The following STK31 variants were observed in gnomAD, a reference collection of about 807,000 sequenced individuals.
STK31 encodes serine/threonine-protein kinase 31.
In STK31, 89 loss-of-function variants were observed where a neutral mutation model predicts 129.7. The ratio of observed to expected loss-of-function variants is 0.69; its 90% confidence interval spans 0.58 to 0.82. The LOEUF (loss-of-function observed/expected upper bound fraction) is 0.82, where lower values mean the gene tolerates loss of function less well. Ranked by LOEUF, STK31 falls within the 40% of genes least tolerant of loss-of-function variation. The probability of loss-of-function intolerance (pLI) is 0.00; values close to 1 mark genes in which losing one functional copy is unlikely to be tolerated. For missense variants in STK31, 1,187 were observed against 1,176.4 expected, an observed-to-expected ratio of 1.01 and a Z score of -0.13; for synonymous variants, 448 against 395.3, an observed-to-expected ratio of 1.13 and a Z score of -1.58.
intron 22 of STK31, among the ~76,000 whole-genome samples, chr7:23,793,520 A>C (rs958112251): frequency 6.6e-6 from 1 of 152,204 alleles, no homozygotes; most frequent in African/African-American, 2.4e-5. Flanking sequence ...CCAGATTATC[A>C]AGAGCTCCTA....
intron 1 of STK31, 120 bp from the exon 2 acceptor site, chr7:23,711,979 T>C: frequency 1.2e-6 from 1 of 813,216 alleles, no homozygotes; most frequent in Non-Finnish European, 1.9e-6. Flanking sequence ...TAATATAGAG[T>C]TTGAATTTTG....
chr7:23,813,078 C>CTTTTTTTTTTTTTTTTTTTTTTTTTTTT (rs70956924), intron 22 of STK31, among the ~76,000 whole-genome samples: 5 of 94,116 alleles, frequency 5.3e-5, no homozygotes, highest in Non-Finnish European at 8.0e-5. Context: ...GCTCTCTGTT[C>CTTTTTTTTTTTTTTTTTTTTTTTTTTTT]TTTTTTTTTT....
intron 22 of STK31, among the ~76,000 whole-genome samples, chr7:23,801,000 T>C (rs764917268): frequency 3.3e-5 from 5 of 152,228 alleles, no homozygotes; most frequent in Non-Finnish European, 7.3e-5. Flanking sequence ...CTATTGCAGA[T>C]AAAGCTACTG....
chr7:23,754,598 A>G (rs765608134), intron 10 of STK31, 124 bp downstream of exon 10: 154 of 1,051,890 alleles, frequency 1.5e-4, no homozygotes, highest in Non-Finnish European at 2.0e-4. Flanking sequence ...TTACATAGGT[A>G]TACATGCGCC....
chr7:23,715,686 T>TC (rs1786273312), intron 3 of STK31, among the ~76,000 whole-genome samples: 1 of 152,146 alleles, frequency 6.6e-6, no homozygotes, highest in African/African-American at 2.4e-5. Flanking sequence ...AAAGGCTGCT[T>TC]CTCTTGTTTC....
intron 22 of STK31, among the ~76,000 whole-genome samples, chr7:23,804,383 G>C (rs75069823): frequency 0.014 from 2,117 of 152,140 alleles, 115 homozygotes; most frequent in Admixed American, 0.092. Context: ...TATCTTGTTT[G>C]CCACTATATC....
intron 4 of STK31, among the ~76,000 whole-genome samples, chr7:23,718,214 G>A (rs979179115): frequency 2.0e-5 from 3 of 152,078 alleles, no homozygotes; most frequent in Non-Finnish European, 4.4e-5. Context: ...CATGTACCTG[G>A]CACTGTATTA....
intron 11 of STK31, among the ~76,000 whole-genome samples, chr7:23,765,074 G>A (rs1789727257): frequency 6.6e-6 from 1 of 150,444 alleles, no homozygotes; most frequent in Non-Finnish European, 1.5e-5. Context: ...TATTTTTCTT[G>A]AGATGGAGTC....
chr7:23,772,335 C>T, intron 15 of STK31, 57 bp downstream of exon 15: 1 of 1,538,092 alleles, frequency 6.5e-7, no homozygotes, highest in Non-Finnish European at 8.7e-7. Flanking sequence ...TACTTGGTCT[C>T]TGCTTCATAA....
At position 23,710,322 on chromosome 7, in the gene STK31, A is replaced by G. The variant is rs1350675504; in HGVS notation, c.37A>G (p.Thr13Ala). The G allele has an allele frequency of 1.9e-6, 3 of 1,613,436 alleles. No individual in the cohort carries two copies. In the African/African-American group the frequency reaches 4.0e-5, roughly 21 times the overall value. ...VQGHSSRASATESVSFSGIVQ... is the reference protein window; with the variant it reads ...VQGHSSRASAAESVSFSGIVQ... The stretch of plus-strand genomic sequence containing the variant: ...GGGTCACTCTTCTAGAGCTTCCGCA[A>G]CGGAAAGTGTGAGGTCAGTAGTAGT... Residue 13 changes from threonine to alanine, a missense_variant, in exon 1 of 24, where the codon ACG (threonine) becomes GCG (alanine). Physicochemically the swap from Thr to Ala is moderately conservative, Grantham distance 58. Transcript: ENST00000355870.
intron 8 of STK31, among the ~76,000 whole-genome samples, chr7:23,748,323 A>T (rs1395423592): frequency 1.3e-5 from 2 of 151,964 alleles, no homozygotes; most frequent in Non-Finnish European, 2.9e-5. Context: ...TACGGTTTCT[A>T]TTCTTTTAAC....
chr7:23,825,183 C>G (rs1794053621), intron 23 of STK31, among the ~76,000 whole-genome samples: 1 of 152,154 alleles, frequency 6.6e-6, no homozygotes, highest in Non-Finnish European at 1.5e-5. Flanking sequence ...GTACCAGCTC[C>G]TCCTTTTACC....
chr7:23,773,659 A>G (rs1184866647), intron 15 of STK31, among the ~76,000 whole-genome samples: 1 of 151,930 alleles, frequency 6.6e-6, no homozygotes, highest in Non-Finnish European at 1.5e-5. Flanking sequence ...ACTCCCACCA[A>G]CAGTGTAAAA....
chr7:23,759,034 A>ATT (rs2128097458), intron 10 of STK31, among the ~76,000 whole-genome samples: 1 of 152,360 alleles, frequency 6.6e-6, no homozygotes, highest in South Asian at 2.1e-4. Context: ...AAAGATAAAA[A>ATT]AAGACAAAGG....
intron 10 of STK31, among the ~76,000 whole-genome samples, chr7:23,761,301 A>G (rs1209793157): frequency 3.9e-5 from 6 of 152,220 alleles, no homozygotes; most frequent in African/African-American, 9.6e-5. Context: ...TATAATCATA[A>G]TAGCCACTCA....
intron 20 of STK31, among the ~76,000 whole-genome samples, chr7:23,787,160 C>G (rs1791336065): frequency 1.3e-5 from 2 of 152,064 alleles, no homozygotes; most frequent in Non-Finnish European, 2.9e-5. Flanking sequence ...AGCTGGGACT[C>G]GAAATTAAGT....
At position 23,769,572 on chromosome 7, in the gene STK31, G is replaced by T; in HGVS notation, c.1597-68G>T. Reference sequence around the variant, plus strand: ...GGTATAGCTTAATACTCTGCTTCAGGTATTAAGGCACGATGAATGCTGATT... The same window carrying T: ...GGTATAGCTTAATACTCTGCTTCAGTTATTAAGGCACGATGAATGCTGATT... On this transcript the variant is annotated intron_variant, in intron 12 of 23. Transcript: ENST00000355870. 4 of 1,078,292 alleles carry T rather than the reference G, an allele frequency of 3.7e-6. 1 individual carries two copies. In the South Asian group the frequency reaches 4.3e-5, roughly 12 times the overall value. 66.8% of individuals were successfully genotyped at this position (1,078,292 alleles called of 1,614,324 possible).
At position 23,798,968 on chromosome 7, in the gene STK31, A is replaced by G. The variant is rs186967025; in HGVS notation, c.2760+8022A>G. Among the ~76,000 whole-genome samples the G allele has an allele frequency of 3.9e-4, 59 of 152,320 alleles. No individual in the cohort carries two copies. In the Middle Eastern group the frequency reaches 0.014, roughly 35 times the overall value. On this transcript the variant is annotated intron_variant, in intron 22 of 23. Coordinates refer to ENST00000355870, the MANE Select transcript of STK31 (RefSeq NM_031414.5). ...ACACCCGTAACAGACAAAGAGCCAAATCATGAGTGAACTCCCATTCACAAT... is the reference window on the plus strand; with the variant it reads ...ACACCCGTAACAGACAAAGAGCCAAGTCATGAGTGAACTCCCATTCACAAT...
intron 8 of STK31, among the ~76,000 whole-genome samples, chr7:23,751,105 A>T (rs1788684308): frequency 6.6e-6 from 1 of 152,202 alleles, no homozygotes; most frequent in South Asian, 2.1e-4. Context: ...TAGCTCCTAC[A>T]TATTAACAAG....
Sources: allele counts gnomAD v4.1 joint callset (sites outside exome capture counted in the v4.1 genomes callset), GRCh38; gene constraint gnomAD v4.1.1; transcripts MANE v1.5; gene names NCBI Gene and HGNC (gene_info 2026-07-23, HGNC 2026-07-21).